HDGFL2: variants seen among roughly 807,000 people sequenced by gnomAD.
HDGFL2 encodes HDGF like 2.
HDGFL2 carries 36 observed loss-of-function variants against 77.1 expected under a neutral mutation model. That is an observed-to-expected ratio of 0.47 (90% CI 0.36 to 0.62). The LOEUF is 0.62. Among genes scored for constraint, HDGFL2 ranks in the 20% least tolerant of loss-of-function variants. The probability of loss-of-function intolerance (pLI) is 0.00; values close to 1 mark genes in which losing one functional copy is unlikely to be tolerated. For missense variants in HDGFL2, 976 were observed against 973.4 expected (o/e 1.00, Z -0.04); for synonymous variants, 463 against 413.1 (o/e 1.12, Z -1.46).
rs1439038571 is a variant in HDGFL2 at position 4,501,079 on chromosome 19, T to C, written c.1790-112T>C. The C allele has an allele frequency of 1.4e-5, 19 of 1,329,444 alleles. No individual in the cohort carries two copies. In the East Asian group the frequency reaches 2.8e-4, roughly 20 times the overall value. 82.4% of individuals were successfully genotyped at this position (1,329,444 alleles called of 1,614,324 possible). On this transcript the variant is annotated intron_variant, in intron 14 of 15. Transcript: ENST00000616600. ...GTGCTGGGGTCCAGGTGGATGGGCA[T>C]GTGTCACCCACGGCGCTCAGCTTGG...
rs1599693065 is a variant in HDGFL2 at position 4,472,502 on chromosome 19, G to C, written c.72+80G>C. On this transcript the variant is annotated intron_variant, in intron 1 of 15. Transcript: ENST00000616600. ...CCCCGGGCCGGAGGCGGGCACTGGAGGGCCGGGGTTGTCCTGGGCCTGAAG... is the reference window on the plus strand; with the variant it reads ...CCCCGGGCCGGAGGCGGGCACTGGACGGCCGGGGTTGTCCTGGGCCTGAAG... The C allele has an allele frequency of 3.4e-6, 3 of 888,090 alleles. No individual in the cohort carries two copies. The East Asian group carries it at 1.2e-4, about 35-fold the overall frequency. The allele number at this position is 888,090 out of a possible 1,614,324, so 55.0% of individuals were successfully genotyped here. A position where few individuals can be genotyped will look rare whatever the true frequency, so the allele number is the denominator to read the frequency against.
chr19:4,494,936 G>A (rs1975661587), intron 9 of HDGFL2, among the ~76,000 whole-genome samples: 1 of 151,684 alleles, frequency 6.6e-6, no homozygotes, highest in South Asian at 2.1e-4. Context: ...AAACAAAGGA[G>A]GGAGGAGCTG....
At chr19:4,481,668 G>A (rs1975221528) in intron 3 of HDGFL2, among the ~76,000 whole-genome samples, 1 of 150,532 alleles carries the variant, frequency 6.6e-6, no homozygotes, top group Non-Finnish European at 1.5e-5. Flanking sequence ...TGTTGGCCAG[G>A]CTGGTCTCGA....
intron 6 of HDGFL2, 57 bp from the exon 7 acceptor site, chr19:4,493,646 G>T (rs1359644759): frequency 4.3e-6 from 6 of 1,386,648 alleles, no homozygotes; most frequent in African/African-American, 3.0e-5. Context: ...GGCCTGGTGC[G>T]CCCCGCTTCT....
At chr19:4,488,054 T>C (rs1158598284) in intron 3 of HDGFL2, among the ~76,000 whole-genome samples, 2 of 152,218 alleles carry the variant, frequency 1.3e-5, no homozygotes, top group East Asian at 3.9e-4. Context: ...CACTGCAACC[T>C]CCACCTCGTG....
Position 4,498,810 on chromosome 19 carries a change from G to A in HDGFL2, c.1474-4G>A, listed in dbSNP as rs533883492. ...GTCTCCCTCACTCCCACCCCACCCT[G>A]CAGGACGTGAAGAGGTGCCTGAATG... On this transcript the variant is annotated splice_region_variant and splice_polypyrimidine_tract_variant and intron_variant, in intron 12 of 15. Transcript: ENST00000616600. 1.2e-6 allele frequency: 2 copies of A among 1,600,102 alleles called. No individual in the cohort carries two copies. The highest frequency in any genetic ancestry group is 1.3e-5 in the African/African-American group (1 of 74,780).
At chr19:4,493,189 GTGT>G (rs1191779945) in intron 6 of HDGFL2, among the ~76,000 whole-genome samples, 1 of 134,174 alleles carries the variant, frequency 7.5e-6, no homozygotes, top group Non-Finnish European at 1.6e-5. Flanking sequence ...CGTGGTGTGT[GTGT>G]TGTCTGTGTC....
Position 4,494,272 on chromosome 19 carries a change from C to G in HDGFL2, c.1021C>G (p.Arg341Gly). ...RRREQEEELR[R>G]LREQEKEEKE... ...GCGAGAGCAGGAGGAGGAGCTGCGG[C>G]GCCTGCGGGAGCAGGAGAAGGAGGA... The change falls in exon 9 of 16, where the codon CGC becomes GGC. Residue 341 changes from arginine to glycine, a missense_variant. Around this residue, in one of 5 missense-constraint regions of HDGFL2, gnomAD observed 567 missense variants for 534.7 expected, o/e 1.06. Transcript: ENST00000616600. 1 of 1,452,174 alleles carries G rather than the reference C, an allele frequency of 6.9e-7. No individual in the cohort carries two copies. The highest frequency in any genetic ancestry group is 9.0e-7 in the Non-Finnish European group (1 of 1,106,730). 90.0% of individuals were successfully genotyped at this position (1,452,174 alleles called of 1,614,324 possible).
At chr19:4,492,934 G>T (rs1376279023) in intron 6 of HDGFL2, among the ~76,000 whole-genome samples, 1 of 125,760 alleles carries the variant, frequency 8.0e-6, no homozygotes, top group Non-Finnish European at 1.7e-5. Context: ...ATCTGTGTGT[G>T]TGGTGTGTGT....
intron 6 of HDGFL2, among the ~76,000 whole-genome samples, chr19:4,492,908 T>C (rs1975566295): frequency 7.4e-6 from 1 of 134,788 alleles, no homozygotes; most frequent in African/African-American, 3.0e-5. Flanking sequence ...GTGTGTGTGG[T>C]GTCTGTGTGG....
chr19:4,484,298 G>A (rs557824672), intron 3 of HDGFL2, among the ~76,000 whole-genome samples: 18 of 150,308 alleles, frequency 1.2e-4, no homozygotes, highest in Non-Finnish European at 2.4e-4. Context: ...TGGCCAGGCT[G>A]GTCTCGAACT....
Position 4,499,601 on chromosome 19 carries a change from C to A in HDGFL2, c.1686C>A (p.Asn562Lys), listed in dbSNP as rs368826096. The A allele has an allele frequency of 1.2e-6, 2 of 1,609,126 alleles. No homozygotes were observed. Among genetic ancestry groups the A allele is most frequent in the Non-Finnish European group, 1.7e-6 (2 of 1,177,852 alleles). Residue 562 changes from asparagine to lysine, a missense_variant, in exon 14 of 16, where the codon AAC (asparagine) becomes AAA (lysine). Physicochemically the swap from Asn to Lys is moderately conservative, Grantham distance 94. This residue lies in a region of HDGFL2 where 229 missense variants were observed against 187.3 expected (regional missense o/e 1.22). Transcript: ENST00000616600. The part of the protein sequence containing the change: ...GPKIEAVQKV[N>K]KAGMEKEKAE... ...AGATCGAGGCGGTGCAGAAAGTGAACAAGGCTGGGATGGAGAAGGAGAAGG... is the reference window on the plus strand; with the variant it reads ...AGATCGAGGCGGTGCAGAAAGTGAAAAAGGCTGGGATGGAGAAGGAGAAGG...
At chr19:4,488,531 C>T (rs1280410682) in intron 3 of HDGFL2, 145 bp from the exon 4 acceptor site, 4 of 742,354 alleles carry the variant, frequency 5.4e-6, no homozygotes, top group Non-Finnish European at 4.3e-6. Flanking sequence ...TTCTGGGCCT[C>T]GGTTTCCCCA....
intron 3 of HDGFL2, among the ~76,000 whole-genome samples, chr19:4,482,345 G>A (rs758800552): frequency 4.6e-5 from 7 of 151,980 alleles, no homozygotes; most frequent in Non-Finnish European, 7.4e-5. Flanking sequence ...AAGTAGCCGG[G>A]ACTACAGGCG....
Position 4,500,705 on chromosome 19 carries a change from CCCT to C in HDGFL2, c.1790-481_1790-479del, listed in dbSNP as rs937518141. 1.2e-4 allele frequency among the ~76,000 whole-genome samples: 19 copies of C among 152,238 alleles called. 1 individual carries two copies. The highest frequency in any genetic ancestry group is 9.2e-4 in the Admixed American group (14 of 15,296). ...GTCAATCTCTGGACCTCATGATCCG[CCCT>C]CCTCGGCCTCCCAAAGTGCTGGGAT... On this transcript the variant is annotated intron_variant, in intron 14 of 15. Transcript: ENST00000616600.
At position 4,494,441 on chromosome 19, in the gene HDGFL2, C is replaced by T; in HGVS notation, c.1190C>T (p.Ser397Phe). The T allele has an allele frequency of 1.4e-6, 2 of 1,404,046 alleles. No individual in the cohort carries two copies. Among genetic ancestry groups the T allele is most frequent in the Non-Finnish European group, 1.8e-6 (2 of 1,084,368 alleles). The allele number at this position is 1,404,046 out of a possible 1,614,324, so 87.0% of individuals were successfully genotyped here. The change falls in exon 9 of 16, where the codon TCT becomes TTT. Residue 397 changes from serine to phenylalanine, a missense_variant. Transcript: ENST00000616600. Reference sequence around the variant, plus strand: ...CGGGGCCGGGGTCCCCCGTCCTCCTCTGACTCCGAGCCCGAGGCCGAGCTG... The same window carrying T: ...CGGGGCCGGGGTCCCCCGTCCTCCTTTGACTCCGAGCCCGAGGCCGAGCTG... ...KGRGRGPPSS[S>F]DSEPEAELER...
intron 3 of HDGFL2, chr19:4,486,302 T>A (rs983534497): frequency 2.0e-5 from 3 of 151,668 alleles, no homozygotes; most frequent in Non-Finnish European, 4.4e-5. Context: ...AGGGACTGCG[T>A]TTTAGCTGTT....
intron 3 of HDGFL2, among the ~76,000 whole-genome samples, chr19:4,487,089 C>G (rs369291195): frequency 5.3e-5 from 8 of 151,682 alleles, no homozygotes; most frequent in Admixed American, 1.3e-4. Context: ...CTCAGCCTCC[C>G]GAGTAGCTGG....
intron 3 of HDGFL2, among the ~76,000 whole-genome samples, chr19:4,478,192 C>G (rs912958026): frequency 7.6e-6 from 1 of 132,114 alleles, no homozygotes; most frequent in East Asian, 2.1e-4. Flanking sequence ...GTCCCGGATG[C>G]TGCTGTTTTT....
Sources: gnomAD v4.1 joint callset for allele counts (sites outside exome capture counted in the v4.1 genomes callset) on GRCh38, gnomAD v4.1.1 for gene constraint, gnomAD v4.1.1 regional missense constraint, MANE v1.5 for transcripts, NCBI Gene and HGNC (gene_info 2026-07-23, HGNC 2026-07-21) for gene names.